GRXCR2: variants seen among roughly 807,000 people sequenced by gnomAD.
The protein encoded by GRXCR2 is glutaredoxin and cysteine rich domain containing 2, also known as glutaredoxin domain-containing cysteine-rich protein 2.
A neutral mutation model predicts 24.8 loss-of-function variants in GRXCR2; 23 were observed. The ratio of observed to expected loss-of-function variants is 0.93; its 90% CI spans 0.67 to 1.32. The LOEUF is 1.32. Among genes scored for constraint, GRXCR2 ranks in the 40% most tolerant of loss-of-function variants. The pLI is 0.00. For synonymous variants in GRXCR2, 130 were observed against 116.1 expected (o/e 1.12, Z -0.77); for missense variants, 315 against 303.4 (o/e 1.04, Z -0.28).
At chr5:145,902,097 T>A (rs1017566834) in intron 2 of GRXCR2, among the ~76,000 whole-genome samples, 2 of 151,890 alleles carry the variant, frequency 1.3e-5, no homozygotes, top group African/African-American at 4.8e-5. Flanking sequence ...ATATAACCAG[T>A]CTTCTTTTTT....
At chr5:145,884,892 G>T (rs751047652) in intron 2 of GRXCR2, among the ~76,000 whole-genome samples, 4 of 152,068 alleles carry the variant, frequency 2.6e-5, no homozygotes, top group African/African-American at 9.7e-5. Context: ...TTTACTGGAC[G>T]TTATTTTTAT....
upstream of GRXCR2, among the ~76,000 whole-genome samples, chr5:145,876,318 C>T (rs111819694): frequency 0.074 from 10,924 of 148,442 alleles, 781 homozygotes; most frequent in African/African-American, 0.18. Context: ...GCTCTGTCGC[C>T]CAGGTTGGAG....
intron 2 of GRXCR2, 44 bp downstream of exon 2, chr5:145,866,457 T>C: frequency 7.0e-7 from 1 of 1,437,602 alleles, no homozygotes; most frequent in Non-Finnish European, 9.7e-7. Flanking sequence ...AGACCATTGC[T>C]GTAGGGCCAG....
chr5:145,931,001 T>C (rs1006979410), intron 2 of GRXCR2, among the ~76,000 whole-genome samples: 3 of 152,124 alleles, frequency 2.0e-5, no homozygotes, highest in Non-Finnish European at 4.4e-5. Context: ...ACCGGGTCTG[T>C]TAGACTCCAA....
At chr5:145,929,502 C>T (rs922580977) in intron 2 of GRXCR2, among the ~76,000 whole-genome samples, 4 of 151,850 alleles carry the variant, frequency 2.6e-5, no homozygotes, top group African/African-American at 9.7e-5. Flanking sequence ...ACACAACTTC[C>T]CCCAATCATA....
chr5:145,878,247 C>T (rs949713816), intron 2 of GRXCR2, among the ~76,000 whole-genome samples: 13 of 152,106 alleles, frequency 8.5e-5, no homozygotes, highest in African/African-American at 3.1e-4. Flanking sequence ...ACAAACTTCT[C>T]CGAGCTAAAG....
At chr5:145,877,057 C>T (rs1756629236), upstream of GRXCR2, among the ~76,000 whole-genome samples, 1 of 151,580 alleles carries the variant, frequency 6.6e-6, no homozygotes, top group South Asian at 2.1e-4. Flanking sequence ...GTTTGTCTTA[C>T]TTTGATAAGC....
At chr5:145,918,263 T>C (rs7733266) in intron 2 of GRXCR2, among the ~76,000 whole-genome samples, 9,974 of 152,234 alleles carry the variant, frequency 0.066, 325 homozygotes, top group Admixed American at 0.093. Context: ...GATCTGGTAG[T>C]AGGGCAGGCA....
chr5:145,876,877 A>G (rs1756626913), upstream of GRXCR2, among the ~76,000 whole-genome samples: 1 of 152,194 alleles, frequency 6.6e-6, no homozygotes, highest in South Asian at 2.1e-4. Context: ...CAAAAGCCTT[A>G]AAAATATTTA....
chr5:145,920,749 A>C (rs537079800), intron 2 of GRXCR2, among the ~76,000 whole-genome samples: 1 of 152,364 alleles, frequency 6.6e-6, no homozygotes, highest in South Asian at 2.1e-4. Flanking sequence ...CTATGGTCTG[A>C]ATGTTTCTGT....
At chr5:145,877,205 A>G (rs192699038), upstream of GRXCR2, among the ~76,000 whole-genome samples, 1 of 152,328 alleles carries the variant, frequency 6.6e-6, no homozygotes, top group East Asian at 1.9e-4. Flanking sequence ...AATTGAAAAC[A>G]ACTTAAATGT....
At chr5:145,886,586 C>G (rs1388444690) in intron 2 of GRXCR2, among the ~76,000 whole-genome samples, 2 of 152,108 alleles carry the variant, frequency 1.3e-5, no homozygotes, top group African/African-American at 4.8e-5. Flanking sequence ...TTTTCTAACT[C>G]CTCCTTCATT....
chr5:145,866,803 T>C, intron 1 of GRXCR2, 75 bp from the exon 2 acceptor site: 1 of 919,456 alleles, frequency 1.1e-6, no homozygotes, highest in Admixed American at 2.0e-5. Context: ...CTGTCCAACA[T>C]ACCAGGAAAC....
chr5:145,895,936 A>G (rs1756942183), intron 2 of GRXCR2, among the ~76,000 whole-genome samples: 1 of 152,242 alleles, frequency 6.6e-6, no homozygotes, highest in Admixed American at 6.5e-5. Flanking sequence ...ATACAGAGAT[A>G]TAGAACAATG....
chr5:145,905,689 A>G (rs10042444), intron 2 of GRXCR2, among the ~76,000 whole-genome samples: 65,645 of 152,068 alleles, frequency 0.43, 15,252 homozygotes, highest in East Asian at 0.73. Flanking sequence ...GAATGAGGAC[A>G]TCTTCAAGAA....
chr5:145,858,316 C>CAAAAAAAAA (rs139918161), downstream of GRXCR2, among the ~76,000 whole-genome samples: 5 of 121,304 alleles, frequency 4.1e-5, no homozygotes, highest in East Asian at 9.3e-4. Context: ...CTGTCTCCCA[C>CAAAAAAAAA]AAAAAAAAAA....
At position 145,912,699 on chromosome 5, in the gene GRXCR2, T is replaced by C. The variant is rs141131068; in HGVS notation, c.-70+23002A>G. Among the ~76,000 whole-genome samples the C allele has an allele frequency of 9.3e-3, 1,414 of 152,102 alleles. 9 individuals are homozygous for C. The highest frequency in any genetic ancestry group is 0.013 in the Non-Finnish European group (911 of 68,004). The stretch of plus-strand genomic sequence containing the variant: ...GAGCTCTAAATAGCAAGATGAGGCC[T>C]ATGAAGAGGAGGTATGAGGCGGAGT... On this transcript the variant is annotated intron_variant, in intron 2 of 3. Transcript: ENST00000639411.
chr5:145,898,849 T>C (rs577274012), intron 2 of GRXCR2, among the ~76,000 whole-genome samples: 42 of 152,072 alleles, frequency 2.8e-4, no homozygotes, highest in Middle Eastern at 3.4e-3. Flanking sequence ...GCATTCCCCT[T>C]GAACTTGAAG....
intron 2 of GRXCR2, among the ~76,000 whole-genome samples, chr5:145,891,897 T>G (rs1756870812): frequency 6.6e-6 from 1 of 152,126 alleles, no homozygotes; most frequent in African/African-American, 2.4e-5. Context: ...AGGGGCAGAT[T>G]GACACCTCAC....
Sources: allele counts gnomAD v4.1 joint callset (sites outside exome capture counted in the v4.1 genomes callset), GRCh38; gene constraint gnomAD v4.1.1; transcripts MANE v1.5; gene names NCBI Gene and HGNC (gene_info 2026-07-23, HGNC 2026-07-21).